HDHD5: variants seen among roughly 807,000 people sequenced by gnomAD.
The protein encoded by HDHD5 is haloacid dehalogenase-like hydrolase domain-containing 5.
A neutral mutation model predicts 35.5 loss-of-function variants in HDHD5; 34 were observed. The ratio of observed to expected loss-of-function variants is 0.96; its 90% CI spans 0.73 to 1.28. HDHD5 has a LOEUF of 1.28. Among genes scored for constraint, HDHD5 ranks in the 50% most tolerant of loss-of-function variants. The pLI is 0.00. For missense variants in HDHD5, 589 were observed against 560.2 expected, an observed-to-expected ratio of 1.05 and a Z score of -0.52; for synonymous variants, 248 against 240.6, an observed-to-expected ratio of 1.03 and a Z score of -0.29.
chr22:17,138,471 G>A, intron 7 of HDHD5, 79 bp downstream of exon 7: 2 of 1,545,498 alleles, frequency 1.3e-6, no homozygotes, highest in Non-Finnish European at 1.8e-6. Context: ...TTAGATATAG[G>A]GAAATGGGGG....
intron 1 of HDHD5, among the ~76,000 whole-genome samples, chr22:17,152,075 A>G (rs1281833695): frequency 6.6e-6 from 1 of 152,190 alleles, no homozygotes; most frequent in African/African-American, 2.4e-5. Flanking sequence ...TTAGACAGGC[A>G]GCCCCAGGAC....
chr22:17,152,216 T>C (rs2061734391), intron 1 of HDHD5, among the ~76,000 whole-genome samples: 1 of 152,106 alleles, frequency 6.6e-6, no homozygotes, highest in Non-Finnish European at 1.5e-5. Context: ...AGTGGTATCA[T>C]CAGACCTGAA....
At chr22:17,147,515 T>C (rs2061677008) in intron 3 of HDHD5, among the ~76,000 whole-genome samples, 1 of 136,454 alleles carries the variant, frequency 7.3e-6, no homozygotes, top group Non-Finnish European at 1.5e-5. Flanking sequence ...TCACACGCCA[T>C]CGCACACGCC....
At chr22:17,151,307 C>T (rs1490935904) in intron 1 of HDHD5, among the ~76,000 whole-genome samples, 2 of 149,980 alleles carry the variant, frequency 1.3e-5, no homozygotes, top group Non-Finnish European at 3.0e-5. Flanking sequence ...AGATGTTCTT[C>T]AATCATCAAA....
upstream of HDHD5, chr22:17,159,417 G>T: frequency 2.7e-6 from 2 of 735,744 alleles, no homozygotes; most frequent in Admixed American, 2.3e-5. Flanking sequence ...GCAGGCCAAA[G>T]GGGCTCCGTT....
intron 1 of HDHD5, among the ~76,000 whole-genome samples, chr22:17,151,673 T>G (rs1305255951): frequency 7.1e-6 from 1 of 140,140 alleles, no homozygotes; most frequent in Non-Finnish European, 1.5e-5. Flanking sequence ...GAGGATGCAG[T>G]GAGCCGGGAT....
chr22:17,156,351 G>T (rs1188962591), intron 1 of HDHD5, among the ~76,000 whole-genome samples: 1 of 152,176 alleles, frequency 6.6e-6, no homozygotes, highest in Admixed American at 6.5e-5. Context: ...TGTGGCTCAC[G>T]CCTGTAATCC....
At chr22:17,144,983 G>C (rs1171347532) in intron 4 of HDHD5, 41 bp downstream of exon 4, 1 of 1,611,194 alleles carries the variant, frequency 6.2e-7, no homozygotes. Flanking sequence ...CACTGGAGGA[G>C]TGAAGGATGA....
At chr22:17,153,866 T>G (rs543679592) in intron 1 of HDHD5, among the ~76,000 whole-genome samples, 2 of 152,056 alleles carry the variant, frequency 1.3e-5, no homozygotes, top group Non-Finnish European at 2.9e-5. Flanking sequence ...AGAGTGGCTC[T>G]TAGAAAGTAA....
chr22:17,157,113 C>CACACACACACACACACAA (rs577153294), intron 1 of HDHD5, among the ~76,000 whole-genome samples: 2 of 144,992 alleles, frequency 1.4e-5, no homozygotes, highest in South Asian at 4.4e-4. Flanking sequence ...CACACACACA[C>CACACACACACACACACAA]AAAAGAAAAA....
intron 5 of HDHD5, chr22:17,141,471 G>C (rs2061600820): frequency 2.2e-6 from 3 of 1,344,384 alleles, no homozygotes; most frequent in Non-Finnish European, 2.8e-6. Context: ...CAGTCCACCA[G>C]TGCTTCACAG....
Position 17,156,367 on chromosome 22 carries a change from C to T in HDHD5, c.126+2759G>A, listed in dbSNP as rs2061790364. Among the ~76,000 whole-genome samples, 3 of 152,182 alleles carry T rather than the reference C, an allele frequency of 2.0e-5. No homozygotes were observed. The South Asian group carries it at 6.2e-4, about 32-fold the overall frequency. On this transcript the variant is annotated intron_variant, in intron 1 of 7. Transcript: ENST00000336737. ...GTGGCTCACGCCTGTAATCCCAGCA[C>T]TCTGGGAGGCCAAGGCGGGCGTATC...
exon 1 of HDHD5, chr22:17,165,252 T>C (rs2123889407): frequency 1.3e-6 from 1 of 775,542 alleles, no homozygotes; most frequent in Non-Finnish European, 2.4e-6. Context: ...CATGATTTAG[T>C]CCCCTCTCCT....
chr22:17,149,475 G>T, intron 2 of HDHD5, 67 bp downstream of exon 2: 1 of 1,488,926 alleles, frequency 6.7e-7, no homozygotes. Flanking sequence ...AAGGGACTTG[G>T]AGCTGGGGCA....
intron 1 of HDHD5, among the ~76,000 whole-genome samples, chr22:17,154,567 G>A (rs2061763158): frequency 6.6e-6 from 1 of 150,798 alleles, no homozygotes; most frequent in Non-Finnish European, 1.5e-5. Flanking sequence ...TACTAATGTT[G>A]TTAGGTATGA....
In HDHD5 at chr22:17,138,647, G is replaced by C; in HGVS notation, c.838C>G (p.Pro280Ala). The change falls in exon 7 of 8, where the codon CCC becomes GCC. Residue 280 changes from proline to alanine, a missense_variant. Pro to Ala is a conservative substitution (Grantham distance 27). Coordinates refer to ENST00000336737, the MANE Select transcript of HDHD5 (RefSeq NM_033070.3). ...GCATACTGGTAAGTGAGGATGCTGGGTTTGCCCATCAGGCCCTCGTATCTC... is the reference window on the plus strand; with the variant it reads ...GCATACTGGTAAGTGAGGATGCTGGCTTTGCCCATCAGGCCCTCGTATCTC... ...ELRYEGLMGK[P>A]SILTYQYAED... 6.2e-7 allele frequency: 1 copy of C among 1,614,238 alleles called. No individual in the cohort carries two copies. The highest frequency in any genetic ancestry group is 2.2e-5 in the East Asian group (1 of 44,884).
At position 17,141,086 on chromosome 22, in the gene HDHD5, A is replaced by G; in HGVS notation, c.719T>C (p.Leu240Pro). Residue 240 changes from leucine to proline, a missense_variant, in exon 6 of 8, where the codon CTG becomes CCG. Physicochemically the swap from Leu to Pro is moderately conservative, Grantham distance 98 (BLOSUM62 -3). Transcript: ENST00000336737. ...LPVLASNMDLLWMAEAKMPRF... is the reference protein window; with the variant it reads ...LPVLASNMDLPWMAEAKMPRF... Reference sequence around the variant, plus strand: ...GGGCATCTTGGCTTCAGCCATCCACAGGAGATCCATGTTGCTGGCTAGGAC... The same window carrying G: ...GGGCATCTTGGCTTCAGCCATCCACGGGAGATCCATGTTGCTGGCTAGGAC... 6.3e-7 allele frequency: 1 copy of G among 1,591,024 alleles called. No individual in the cohort carries two copies. The highest frequency in any genetic ancestry group is 8.5e-7 in the Non-Finnish European group (1 of 1,170,182).
At chr22:17,159,529 T>C (rs998933571), upstream of HDHD5, 114 of 458,252 alleles carry the variant, frequency 2.5e-4, no homozygotes, top group African/African-American at 1.4e-3. Flanking sequence ...GTCCGTACTA[T>C]CGCCCTGTGC....
chr22:17,145,876 A>G (rs2061656824), intron 3 of HDHD5, among the ~76,000 whole-genome samples: 1 of 152,030 alleles, frequency 6.6e-6, no homozygotes, highest in African/African-American at 2.4e-5. Context: ...GATGAACCCA[A>G]ATCATCAAGG....
Sources: allele counts gnomAD v4.1 joint callset (sites outside exome capture counted in the v4.1 genomes callset), GRCh38; gene constraint gnomAD v4.1.1; transcripts MANE v1.5; gene names NCBI Gene and HGNC (gene_info 2026-07-23, HGNC 2026-07-21).